The following FZD2 variants were observed in gnomAD, a reference collection of about 807,000 sequenced individuals.
The protein encoded by FZD2 is frizzled class receptor 2.
In FZD2, 17 loss-of-function variants were observed where a neutral mutation model predicts 36.7. The ratio of observed to expected loss-of-function variants is 0.46; its 90% CI spans 0.32 to 0.70. The LOEUF is 0.70. Among genes scored for constraint, FZD2 ranks in the 30% least tolerant of loss-of-function variants. The pLI is 0.04. For missense variants in FZD2, 525 were observed against 805.6 expected (o/e 0.65, Z 4.22); for synonymous variants, 333 against 359.6 (o/e 0.93, Z 0.84).
In FZD2 at chr17:44,558,497, T is replaced by G. The variant is rs753278694; in HGVS notation, c.809T>G (p.Met270Arg). 1 of 1,581,828 alleles carries G rather than the reference T, an allele frequency of 6.3e-7. No homozygotes were observed. The highest frequency in any genetic ancestry group is 8.6e-7 in the Non-Finnish European group (1 of 1,164,390). ...ACTGTCACCACGTACTTGGTAGACA[T>G]GCAGCGCTTCCGCTACCCAGAGCGG... is the stretch of plus-strand genomic sequence containing the variant. Reference protein sequence around the residue: ...FFTVTTYLVDMQRFRYPERPI... With the variant: ...FFTVTTYLVDRQRFRYPERPI... The change falls in exon 1 of 1, where the codon ATG becomes AGG. Residue 270 changes from methionine to arginine, a missense_variant. This residue lies in a region of FZD2 where 257 missense variants were observed against 344.4 expected (regional missense o/e 0.75). Coordinates refer to ENST00000315323, the MANE Select transcript of FZD2 (RefSeq NM_001466.4). This position sits in a 1 kb window ranked among gnomAD's most constrained non-coding sequence, Gnocchi z 9.3.
In FZD2 at chr17:44,557,989, A is replaced by G; in HGVS notation, c.301A>G (p.Thr101Ala). The stretch of plus-strand genomic sequence containing the variant: ...GTGCTCCATGTACGCACCCGTGTGC[A>G]CCGTGCTGGAACAGGCCATCCCGCC... ...FLCSMYAPVC[T>A]VLEQAIPPCR... Residue 101 changes from threonine (T) to alanine (A), a missense_variant, in exon 1 of 1, where the codon ACC becomes GCC. By Grantham distance (58) the Thr-to-Ala change is moderately conservative. Around this residue, in one of 5 missense-constraint regions of FZD2, gnomAD observed 257 missense variants for 344.4 expected, o/e 0.75. Coordinates refer to ENST00000315323, the MANE Select transcript of FZD2 (RefSeq NM_001466.4). The surrounding 1 kb of genome is among the most constrained non-coding windows in gnomAD (Gnocchi z 4.9). 1 of 1,613,964 alleles carries G rather than the reference A, an allele frequency of 6.2e-7. No homozygotes were observed. Among genetic ancestry groups the G allele is most frequent in the Non-Finnish European group, 8.5e-7 (1 of 1,179,996 alleles).
At position 44,559,284 on chromosome 17, in the gene FZD2, C is replaced by T. The variant is rs149343100; in HGVS notation, c.1596C>T (p.Gly532=). 5.6e-6 allele frequency: 9 copies of T among 1,613,986 alleles called. No individual in the cohort carries two copies. In the African/African-American group the frequency reaches 6.7e-5, roughly 12 times the overall value. The change falls in exon 1 of 1, where the codon GGC becomes GGT. Residue 532 remains glycine, a synonymous_variant. Transcript: ENST00000315323. This position sits in a 1 kb window ranked among gnomAD's most constrained non-coding sequence, Gnocchi z 4.4. ...MIKYLMTLIV[G]ITSGFWIWSG... is the part of the protein sequence containing the mutation. Reference sequence around the variant, plus strand: ...AATACCTCATGACGCTCATCGTGGGCATCACGTCGGGCTTCTGGATCTGGT... The same window carrying T: ...AATACCTCATGACGCTCATCGTGGGTATCACGTCGGGCTTCTGGATCTGGT...
Position 44,557,998 on chromosome 17 carries a change from G to A in FZD2, c.310G>A (p.Glu104Lys), listed in dbSNP as rs1375718768. The A allele has an allele frequency of 6.2e-7, 1 of 1,613,764 alleles. No individual in the cohort carries two copies. The highest frequency in any genetic ancestry group is 8.5e-7 in the Non-Finnish European group (1 of 1,180,012). Residue 104 changes from glutamate (E) to lysine (K), a missense_variant, in exon 1 of 1, where the codon GAA becomes AAA. Around this residue, in one of 5 missense-constraint regions of FZD2, gnomAD observed 257 missense variants for 344.4 expected, o/e 0.75. Coordinates refer to ENST00000315323, the MANE Select transcript of FZD2 (RefSeq NM_001466.4). The surrounding 1 kb of genome is among the most constrained non-coding windows in gnomAD (Gnocchi z 4.9). Reference protein sequence around the residue: ...SMYAPVCTVLEQAIPPCRSIC... With the variant: ...SMYAPVCTVLKQAIPPCRSIC... ...GTACGCACCCGTGTGCACCGTGCTG[G>A]AACAGGCCATCCCGCCGTGCCGCTC...
In FZD2 at chr17:44,560,998, G is replaced by A. The variant is rs182554854; in HGVS notation, c.*1612G>A. 6.6e-6 allele frequency among the ~76,000 whole-genome samples: 1 copy of A among 152,330 alleles called. No homozygotes were observed. The highest frequency in any genetic ancestry group is 1.9e-4 in the East Asian group (1 of 5,190). On this transcript the variant is annotated 3_prime_UTR_variant, in exon 1 of 1. Transcript: ENST00000315323. ...TAAAGTGCTGGGATTACAGGAGTGA[G>A]CCACAGTGCCTGGCCTGTCAAGACT...
rs1010398788 is a variant in FZD2, at chr17:44,559,569, T to G, written c.*183T>G. ...GGTTTGTAATTAAAACTGTAAATAG[T>G]CTTTGTAAATTTAATTATATATATT... On this transcript the variant is annotated 3_prime_UTR_variant, in exon 1 of 1. Coordinates refer to ENST00000315323, the MANE Select transcript of FZD2 (RefSeq NM_001466.4). This position sits in a 1 kb window ranked among gnomAD's most constrained non-coding sequence, Gnocchi z 4.4. 3 of 627,024 alleles carry G rather than the reference T, an allele frequency of 4.8e-6. No homozygotes were observed. The highest frequency in any genetic ancestry group is 7.9e-5 in the Admixed American group (2 of 25,276). 38.8% of individuals were successfully genotyped at this position (627,024 alleles called of 1,614,324 possible). A position where few individuals can be genotyped will look rare whatever the true frequency, so the allele number is the denominator to read the frequency against.
At position 44,557,675 on chromosome 17, in the gene FZD2, G is replaced by C; in HGVS notation, c.-14G>C. The C allele has an allele frequency of 7.9e-7, 1 of 1,262,266 alleles. No individual in the cohort carries two copies. Among genetic ancestry groups the C allele is most frequent in the Non-Finnish European group, 1.0e-6 (1 of 1,004,294 alleles). 78.2% of individuals were successfully genotyped at this position (1,262,266 alleles called of 1,614,324 possible). On this transcript the variant is annotated 5_prime_UTR_variant, in exon 1 of 1. Coordinates refer to ENST00000315323, the MANE Select transcript of FZD2 (RefSeq NM_001466.4). The surrounding 1 kb of genome is among the most constrained non-coding windows in gnomAD (Gnocchi z 4.9). ...GGGGGGCGCCAAGGAGCCGGGTGGG[G>C]GGCGGCGGCCAGCATGCGGCCCCGC... is the stretch of plus-strand genomic sequence containing the variant.
chr17:44,558,891 G>A lies in FZD2; in HGVS notation c.1203G>A (p.Val401=). ...TCGACGGCGACCTGCTGAGCGGCGT[G>A]TGCTTCGTAGGCCTCAACAGCCTGG... The part of the protein sequence containing the change: ...GQIDGDLLSG[V]CFVGLNSLDP... The change falls in exon 1 of 1, where the codon GTG becomes GTA. Residue 401 remains valine (V), a synonymous_variant. Coordinates refer to ENST00000315323, the MANE Select transcript of FZD2 (RefSeq NM_001466.4). This position sits in a 1 kb window ranked among gnomAD's most constrained non-coding sequence, Gnocchi z 9.3. 1 of 1,612,734 alleles carries A rather than the reference G, an allele frequency of 6.2e-7. No homozygotes were observed. Among genetic ancestry groups the A allele is most frequent in the Non-Finnish European group, 8.5e-7 (1 of 1,179,484 alleles).
Position 44,559,252 on chromosome 17 carries a change from A to G in FZD2, c.1564A>G (p.Met522Val), listed in dbSNP as rs1338626837. 2 of 1,614,116 alleles carry G rather than the reference A, an allele frequency of 1.2e-6. No homozygotes were observed. The highest frequency in any genetic ancestry group is 8.5e-7 in the Non-Finnish European group (1 of 1,180,020). Residue 522 changes from methionine (M) to valine (V), a missense_variant, in exon 1 of 1, where the codon ATG (methionine) becomes GTG (valine). Physicochemically the swap from Met to Val is conservative, Grantham distance 21. This residue lies in a region of FZD2 where 189 missense variants were observed against 298.1 expected (regional missense o/e 0.63). Transcript: ENST00000315323. This position sits in a 1 kb window ranked among gnomAD's most constrained non-coding sequence, Gnocchi z 4.4. Reference sequence around the variant, plus strand: ...CATGTCGCCCGACTTCACGGTCTACATGATCAAATACCTCATGACGCTCAT... The same window carrying G: ...CATGTCGCCCGACTTCACGGTCTACGTGATCAAATACCTCATGACGCTCAT... ...PRMSPDFTVY[M>V]IKYLMTLIVG...
chr17:44,557,805 C>A lies in FZD2; in HGVS notation c.117C>A (p.Cys39Ter). The A allele has an allele frequency of 6.2e-7, 1 of 1,614,008 alleles. No individual in the cohort carries two copies. Among genetic ancestry groups the A allele is most frequent in the Non-Finnish European group, 8.5e-7 (1 of 1,179,998 alleles). The change falls in exon 1 of 1, where the codon TGC becomes TGA. Residue 39 changes from cysteine (C) to a stop codon, truncating the protein, a stop_gained. Coordinates refer to ENST00000315323, the MANE Select transcript of FZD2 (RefSeq NM_001466.4). LOFTEE classifies it high-confidence loss of function. This position sits in a 1 kb window ranked among gnomAD's most constrained non-coding sequence, Gnocchi z 4.9. ...TCTCCATCCCGGACCACGGCTTCTG[C>A]CAGCCCATCTCCATCCCGCTGTGCA... Reference protein sequence around the residue: ...KGISIPDHGFCQPISIPLCTD... With the variant: ...KGISIPDHGF
chr17:44,559,040 A>C lies in FZD2; in HGVS notation c.1352A>C (p.Lys451Thr), dbSNP rs758474512. The C allele has an allele frequency of 1.2e-6, 2 of 1,614,168 alleles. No homozygotes were observed. The highest frequency in any genetic ancestry group is 1.7e-6 in the Non-Finnish European group (2 of 1,180,036). Residue 451 changes from lysine to threonine, a missense_variant, in exon 1 of 1, where the codon AAG becomes ACG. Physicochemically the swap from Lys to Thr is moderately conservative, Grantham distance 78. Around this residue, in one of 5 missense-constraint regions of FZD2, gnomAD observed 189 missense variants for 298.1 expected, o/e 0.63. Coordinates refer to ENST00000315323, the MANE Select transcript of FZD2 (RefSeq NM_001466.4). This position sits in a 1 kb window ranked among gnomAD's most constrained non-coding sequence, Gnocchi z 4.4. ...ACCATCATGAAGCACGACGGCACCA[A>C]GACCGAAAAGCTGGAGCGGCTCATG... The part of the protein sequence containing the change: ...IRTIMKHDGT[K>T]TEKLERLMVR...
rs146061345 is a variant in FZD2, at chr17:44,559,793, G to A, written c.*407G>A. Reference sequence around the variant, plus strand: ...GATGGGAGAGGCACCCAGCCTGAGCGCTGTTTTTGTTGGCTTTGAGTCGTT... The same window carrying A: ...GATGGGAGAGGCACCCAGCCTGAGCACTGTTTTTGTTGGCTTTGAGTCGTT... On this transcript the variant is annotated 3_prime_UTR_variant, in exon 1 of 1. Transcript: ENST00000315323. The surrounding 1 kb of genome is among the most constrained non-coding windows in gnomAD (Gnocchi z 4.4). Among the ~76,000 whole-genome samples, 1,851 of 152,186 alleles carry A rather than the reference G, an allele frequency of 0.012. 37 individuals carry two copies. Among genetic ancestry groups the A allele is most frequent in the South Asian group, 0.067 (320 of 4,806 alleles).
Position 44,558,424 on chromosome 17 carries a change from C to T in FZD2, c.736C>T (p.Leu246Phe), listed in dbSNP as rs775470381. The part of the protein sequence containing the change: ...FSQEETRFAR[L>F]WILTWSVLCC... The stretch of plus-strand genomic sequence containing the variant: ...ACAGGAGGAGACGCGTTTCGCGCGC[C>T]TCTGGATCCTCACCTGGTCGGTGCT... Residue 246 changes from leucine to phenylalanine, a missense_variant, in exon 1 of 1, where the codon CTC becomes TTC. Physicochemically the swap from Leu to Phe is conservative, Grantham distance 22. This residue lies in a region of FZD2 where 257 missense variants were observed against 344.4 expected (regional missense o/e 0.75). Coordinates refer to ENST00000315323, the MANE Select transcript of FZD2 (RefSeq NM_001466.4). The surrounding 1 kb of genome is among the most constrained non-coding windows in gnomAD (Gnocchi z 9.3). 6.3e-7 allele frequency: 1 copy of T among 1,579,294 alleles called. No individual in the cohort carries two copies. The highest frequency in any genetic ancestry group is 8.6e-7 in the Non-Finnish European group (1 of 1,166,038).
At position 44,557,820 on chromosome 17, in the gene FZD2, C is replaced by T. The variant is rs1181819528; in HGVS notation, c.132C>T (p.Ile44=). ...ACGGCTTCTGCCAGCCCATCTCCATCCCGCTGTGCACGGACATCGCCTACA... is the reference window on the plus strand; with the variant it reads ...ACGGCTTCTGCCAGCCCATCTCCATTCCGCTGTGCACGGACATCGCCTACA... The part of the protein sequence containing the change: ...PDHGFCQPIS[I]PLCTDIAYNQ... Residue 44 remains isoleucine, a synonymous_variant, in exon 1 of 1, where the codon ATC becomes ATT. Transcript: ENST00000315323. This position sits in a 1 kb window ranked among gnomAD's most constrained non-coding sequence, Gnocchi z 4.9. 4 of 1,614,026 alleles carry T rather than the reference C, an allele frequency of 2.5e-6. No homozygotes were observed. Among genetic ancestry groups the T allele is most frequent in the Non-Finnish European group, 3.4e-6 (4 of 1,180,012 alleles).
Position 44,558,444 on chromosome 17 carries a change from G to A in FZD2, c.756G>A (p.Ser252=), listed in dbSNP as rs773943647. 1.1e-5 allele frequency: 18 copies of A among 1,585,288 alleles called. No individual in the cohort carries two copies. Among genetic ancestry groups the A allele is most frequent in the Non-Finnish European group, 1.3e-5 (15 of 1,167,902 alleles). The change falls in exon 1 of 1, where the codon TCG becomes TCA. Residue 252 remains serine, a synonymous_variant. Transcript: ENST00000315323. This position sits in a 1 kb window ranked among gnomAD's most constrained non-coding sequence, Gnocchi z 9.3. ...CGCGCCTCTGGATCCTCACCTGGTC[G>A]GTGCTGTGCTGCGCTTCCACCTTCT... The part of the protein sequence containing the change: ...RFARLWILTW[S]VLCCASTFFT...
At position 44,559,985 on chromosome 17, in the gene FZD2, T is replaced by C. The variant is rs1212198946; in HGVS notation, c.*599T>C. ...TTGTCCTGTCTTCTTCACTCACTCT[T>C]GGAAAAGTCCCAACAGAGATGAAGA... is the stretch of plus-strand genomic sequence containing the variant. On this transcript the variant is annotated 3_prime_UTR_variant, in exon 1 of 1. Transcript: ENST00000315323. The surrounding 1 kb of genome is among the most constrained non-coding windows in gnomAD (Gnocchi z 4.4). Among the ~76,000 whole-genome samples, 1 of 151,722 alleles carries C rather than the reference T, an allele frequency of 6.6e-6. No individual in the cohort carries two copies. Among genetic ancestry groups the C allele is most frequent in the African/African-American group, 2.4e-5 (1 of 41,204 alleles).
In FZD2 at chr17:44,558,517, G is replaced by A; in HGVS notation, c.829G>A (p.Glu277Lys). 2 of 1,585,462 alleles carry A rather than the reference G, an allele frequency of 1.3e-6. No homozygotes were observed. Among genetic ancestry groups the A allele is most frequent in the Non-Finnish European group, 1.7e-6 (2 of 1,166,164 alleles). ...LVDMQRFRYP[E>K]RPIIFLSGCY... ...AGACATGCAGCGCTTCCGCTACCCA[G>A]AGCGGCCTATCATTTTTCTGTCGGG... The change falls in exon 1 of 1, where the codon GAG becomes AAG. Residue 277 changes from glutamate to lysine, a missense_variant. Glu to Lys is a moderately conservative substitution (Grantham distance 56). Around this residue, in one of 5 missense-constraint regions of FZD2, gnomAD observed 257 missense variants for 344.4 expected, o/e 0.75. Coordinates refer to ENST00000315323, the MANE Select transcript of FZD2 (RefSeq NM_001466.4). This position sits in a 1 kb window ranked among gnomAD's most constrained non-coding sequence, Gnocchi z 9.3.
In FZD2 at chr17:44,558,735, G is replaced by A. The variant is rs901265781; in HGVS notation, c.1047G>A (p.Ser349=). 1.9e-6 allele frequency: 3 copies of A among 1,614,078 alleles called. No individual in the cohort carries two copies. Among genetic ancestry groups the A allele is most frequent in the Non-Finnish European group, 2.5e-6 (3 of 1,180,044 alleles). The part of the protein sequence containing the change: ...MASSIWWVIL[S]LTWFLAAGMK... ...GCTCCATCTGGTGGGTCATCCTGTCGCTCACCTGGTTCCTGGCAGCCGGCA... is the reference window on the plus strand; with the variant it reads ...GCTCCATCTGGTGGGTCATCCTGTCACTCACCTGGTTCCTGGCAGCCGGCA... The change falls in exon 1 of 1, where the codon TCG becomes TCA. Residue 349 remains serine, a synonymous_variant. Transcript: ENST00000315323. The surrounding 1 kb of genome is among the most constrained non-coding windows in gnomAD (Gnocchi z 9.3).
chr17:44,558,120 C>T lies in FZD2; in HGVS notation c.432C>T (p.His144=), dbSNP rs752321823. 10 of 1,606,690 alleles carry T rather than the reference C, an allele frequency of 6.2e-6. No individual in the cohort carries two copies. Among genetic ancestry groups the T allele is most frequent in the African/African-American group, 2.7e-5 (2 of 74,892 alleles). The change falls in exon 1 of 1, where the codon CAC becomes CAT. Residue 144 remains histidine (H), a synonymous_variant. Transcript: ENST00000315323. This position sits in a 1 kb window ranked among gnomAD's most constrained non-coding sequence, Gnocchi z 9.3. ...TGCGCTGCGAGCACTTCCCGCGCCACGGCGCCGAGCAGATCTGCGTCGGCC... is the reference window on the plus strand; with the variant it reads ...TGCGCTGCGAGCACTTCCCGCGCCATGGCGCCGAGCAGATCTGCGTCGGCC... The part of the protein sequence containing the change: ...ERLRCEHFPR[H]GAEQICVGQN...
chr17:44,557,843 A>G lies in FZD2; in HGVS notation c.155A>G (p.Tyr52Cys). ...ISIPLCTDIA[Y>C]NQTIMPNLLG... is the part of the protein sequence containing the mutation. ...ATCCCGCTGTGCACGGACATCGCCT[A>G]CAACCAGACCATCATGCCCAACCTT... is the stretch of plus-strand genomic sequence containing the variant. Residue 52 changes from tyrosine to cysteine, a missense_variant, in exon 1 of 1, where the codon TAC (tyrosine) becomes TGC (cysteine). By Grantham distance (194) the Tyr-to-Cys change is radical. This residue lies in a region of FZD2 where 29 missense variants were observed against 82.4 expected (regional missense o/e 0.35). Transcript: ENST00000315323. The surrounding 1 kb of genome is among the most constrained non-coding windows in gnomAD (Gnocchi z 4.9). 1 of 1,614,134 alleles carries G rather than the reference A, an allele frequency of 6.2e-7. No homozygotes were observed. The highest frequency in any genetic ancestry group is 1.1e-5 in the South Asian group (1 of 91,084).
Sources: allele counts gnomAD v4.1 joint callset (sites outside exome capture counted in the v4.1 genomes callset), GRCh38; gene constraint gnomAD v4.1.1; regional missense constraint gnomAD v4.1.1; non-coding constraint Gnocchi (gnomAD v3.1); transcripts MANE v1.5; gene names NCBI Gene and HGNC (gene_info 2026-07-23, HGNC 2026-07-21).